The following JADE3 variants were observed in gnomAD, a reference collection of about 807,000 sequenced individuals.
The protein encoded by JADE3 is protein Jade-3.
In JADE3, 2 loss-of-function variants were observed where a neutral mutation model predicts 50.1. That is an observed-to-expected ratio of 0.04 (90% CI 0.02 to 0.13). JADE3 has a LOEUF of 0.13. JADE3 is among the 10% of genes least tolerant of loss of function. The probability of loss-of-function intolerance (pLI) is 1.00; values close to 1 mark genes in which losing one functional copy is unlikely to be tolerated. For missense variants in JADE3, 475 were observed against 634.4 expected (o/e 0.75, Z 2.70); for synonymous variants, 218 against 232.9 (o/e 0.94, Z 0.58).
chrX:47,005,213 G>C (rs1928385150), intron 4 of JADE3, among the ~76,000 whole-genome samples: 1 of 111,581 alleles, frequency 9.0e-6, no homozygotes, highest in Non-Finnish European at 1.9e-5. Context: ...CCAGGAAAGG[G>C]ACCGCCTATC....
chrX:46,981,771 T>C, intron 1 of JADE3, among the ~76,000 whole-genome samples: 1 of 112,379 alleles, frequency 8.9e-6, no homozygotes, highest in East Asian at 2.8e-4. Flanking sequence ...TATTCACAGA[T>C]ATGTGCAACC....
At chrX:47,017,487 A>G (rs1473187030) in intron 4 of JADE3, among the ~76,000 whole-genome samples, 2 of 112,040 alleles carry the variant, frequency 1.8e-5, no homozygotes, top group Non-Finnish European at 3.8e-5. Context: ...CATACATTAT[A>G]AGTTGTATAA....
chrX:46,925,585 G>T (rs1438592533), intron 1 of JADE3, among the ~76,000 whole-genome samples: 2 of 111,725 alleles, frequency 1.8e-5, no homozygotes, highest in Admixed American at 9.5e-5. Context: ...ACTCTGGGAG[G>T]CTGAGGCAGG....
chrX:46,964,251 TCTC>T (rs1387695619), intron 1 of JADE3, among the ~76,000 whole-genome samples: 2 of 112,064 alleles, frequency 1.8e-5, no homozygotes, highest in African/African-American at 6.5e-5. Flanking sequence ...TTTATTCTCT[TCTC>T]CTCGGGAGGT....
chrX:46,974,011 C>T (rs1243219758), intron 1 of JADE3, among the ~76,000 whole-genome samples: 4 of 111,447 alleles, frequency 3.6e-5, no homozygotes, highest in African/African-American at 1.3e-4. Context: ...ACCAGGGAGG[C>T]GGAGGTTGCA....
chrX:46,934,636 T>C (rs782278696), intron 1 of JADE3, among the ~76,000 whole-genome samples: 1 of 109,226 alleles, frequency 9.2e-6, no homozygotes, highest in African/African-American at 3.3e-5. Context: ...GGTTTTACCA[T>C]GTTGGCCAGG....
At chrX:46,950,507 G>T (rs1220238545) in intron 1 of JADE3, among the ~76,000 whole-genome samples, 2 of 112,064 alleles carry the variant, frequency 1.8e-5, no homozygotes, top group African/African-American at 6.5e-5. Flanking sequence ...CCATCATGTG[G>T]ATGTACCACA....
chrX:46,932,765 G>C (rs1175515764), intron 1 of JADE3, among the ~76,000 whole-genome samples: 1 of 111,348 alleles, frequency 9.0e-6, no homozygotes, highest in Non-Finnish European at 1.9e-5. Context: ...ACCTCTGCAG[G>C]TACTCAAGAA....
intron 1 of JADE3, among the ~76,000 whole-genome samples, chrX:46,924,434 C>T (rs535592225): frequency 8.9e-6 from 1 of 112,180 alleles, no homozygotes; most frequent in Admixed American, 9.4e-5. Context: ...TGTCCTAGGA[C>T]CTCAGTTCTG....
At chrX:46,948,367 C>T (rs1343559993) in intron 1 of JADE3, among the ~76,000 whole-genome samples, 1 of 112,195 alleles carries the variant, frequency 8.9e-6, no homozygotes, top group Admixed American at 9.4e-5. Context: ...GATGGTTTCC[C>T]TTCTATGGAT....
intron 1 of JADE3, among the ~76,000 whole-genome samples, chrX:46,955,686 G>A (rs1927098612): frequency 9.0e-6 from 1 of 111,057 alleles, no homozygotes; most frequent in Non-Finnish European, 1.9e-5. Flanking sequence ...TCCAGTCCAA[G>A]GTTGATGGAA....
intron 1 of JADE3, among the ~76,000 whole-genome samples, chrX:46,972,879 G>A (rs1927530682): frequency 8.9e-6 from 1 of 112,429 alleles, no homozygotes; most frequent in Non-Finnish European, 1.9e-5. Flanking sequence ...GATTATAGGC[G>A]TGAGCCACCG....
intron 4 of JADE3, among the ~76,000 whole-genome samples, chrX:47,001,184 T>A (rs1928277785): frequency 8.9e-6 from 1 of 111,934 alleles, no homozygotes; most frequent in African/African-American, 3.2e-5. Flanking sequence ...ACTTGTACTG[T>A]AGTATGTAGC....
chrX:46,967,747 CT>C (rs1354862566), intron 1 of JADE3, among the ~76,000 whole-genome samples: 1 of 112,241 alleles, frequency 8.9e-6, no homozygotes, highest in Non-Finnish European at 1.9e-5. Flanking sequence ...AGCTTTCTCA[CT>C]CATCATTGCT....
At chrX:47,043,590 C>T (rs1929310964) in intron 8 of JADE3, among the ~76,000 whole-genome samples, 1 of 111,225 alleles carries the variant, frequency 9.0e-6, no homozygotes, top group Admixed American at 9.6e-5. Context: ...GAGGCCAAGG[C>T]GGGTGGATCG....
At chrX:47,010,231 T>G (rs1375458114) in intron 4 of JADE3, among the ~76,000 whole-genome samples, 1 of 111,166 alleles carries the variant, frequency 9.0e-6, no homozygotes, top group Non-Finnish European at 1.9e-5. Context: ...ATTTTTATTT[T>G]TATTTATTTA....
At chrX:46,990,388 C>T (rs1927958978) in intron 3 of JADE3, among the ~76,000 whole-genome samples, 1 of 111,918 alleles carries the variant, frequency 8.9e-6, no homozygotes, top group African/African-American at 3.3e-5. Context: ...TTCCTGAGCT[C>T]CCCATCCTAG....
At chrX:47,036,047 G>A (rs1178100542) in intron 7 of JADE3, among the ~76,000 whole-genome samples, 4 of 110,917 alleles carry the variant, frequency 3.6e-5, no homozygotes, top group African/African-American at 9.8e-5. Context: ...AGGGGGCTGA[G>A]GCGGCAGGAT....
chrX:46,946,104 G>T (rs782332954), intron 1 of JADE3, among the ~76,000 whole-genome samples: 2 of 112,037 alleles, frequency 1.8e-5, no homozygotes, highest in South Asian at 7.6e-4. Context: ...TGCCCTTTCA[G>T]TACTTGGAAC....
Sources: allele counts gnomAD v4.1 joint callset (sites outside exome capture counted in the v4.1 genomes callset), GRCh38; gene constraint gnomAD v4.1.1; transcripts MANE v1.5; gene names NCBI Gene and HGNC (gene_info 2026-07-23, HGNC 2026-07-21).